The following PDE4D variants were observed in gnomAD, a reference collection of about 807,000 sequenced individuals.
The protein encoded by PDE4D is phosphodiesterase 4D.
Under a neutral mutation model 87.4 loss-of-function variants are expected in PDE4D, and 24 were observed. The ratio of observed to expected loss-of-function variants is 0.27; its 90% CI spans 0.20 to 0.39. PDE4D has a LOEUF of 0.39. PDE4D is among the 10% of genes least tolerant of loss of function. The pLI is 1.00. For missense variants in PDE4D, 714 were observed against 1,041.0 expected (o/e 0.69, Z 4.32); for synonymous variants, 384 against 383.2 (o/e 1.00, Z -0.02).
intron 2 of PDE4D, among the ~76,000 whole-genome samples, chr5:60,068,238 G>GT (rs920570077): frequency 2.8e-4 from 43 of 151,818 alleles, no homozygotes; most frequent in African/African-American, 5.8e-4. Flanking sequence ...GCTATTTTCT[G>GT]TTTTTTTTAA....
chr5:59,641,932 GAAAT>G (rs1319143949), intron 1 of PDE4D, among the ~76,000 whole-genome samples: 5 of 151,970 alleles, frequency 3.3e-5, no homozygotes, highest in East Asian at 1.9e-4. Flanking sequence ...TAATACTAAA[GAAAT>G]AAATAAATGA....
chr5:60,358,558 T>C (rs1382272007), intron 1 of PDE4D, among the ~76,000 whole-genome samples: 1 of 152,248 alleles, frequency 6.6e-6, no homozygotes, highest in Non-Finnish European at 1.5e-5. Context: ...GGCTTCACAC[T>C]CATAAGGCAC....
chr5:59,106,364 C>A (rs1270583213), intron 5 of PDE4D, among the ~76,000 whole-genome samples: 1 of 152,204 alleles, frequency 6.6e-6, no homozygotes, highest in Non-Finnish European at 1.5e-5. Flanking sequence ...TGTTATTGCA[C>A]AAAGGCTTAT....
intron 2 of PDE4D, among the ~76,000 whole-genome samples, chr5:60,176,378 G>A (rs1412944245): frequency 6.6e-6 from 1 of 152,028 alleles, no homozygotes; most frequent in Non-Finnish European, 1.5e-5. Flanking sequence ...TAGGTAGTTT[G>A]TATAGATTTT....
At chr5:59,045,701 TGCAGGTAG>T (rs1482443861) in intron 5 of PDE4D, among the ~76,000 whole-genome samples, 9 of 152,264 alleles carry the variant, frequency 5.9e-5, no homozygotes, top group African/African-American at 1.9e-4. Flanking sequence ...GTCAGGCATC[TGCAGGTAG>T]GACTATATCT....
intron 3 of PDE4D, among the ~76,000 whole-genome samples, chr5:59,902,529 A>G (rs1190424321): frequency 6.6e-6 from 1 of 152,210 alleles, no homozygotes; most frequent in African/African-American, 2.4e-5. Flanking sequence ...TGAGTGGTGA[A>G]GGAAAATATG....
intron 1 of PDE4D, among the ~76,000 whole-genome samples, chr5:60,283,287 C>A (rs1752115855): frequency 6.6e-6 from 1 of 152,014 alleles, no homozygotes; most frequent in Admixed American, 6.6e-5. Flanking sequence ...GATATTTTTT[C>A]ATAAATTTTG....
intron 3 of PDE4D, among the ~76,000 whole-genome samples, chr5:59,192,604 A>G (rs1319191478): frequency 1.3e-5 from 2 of 152,186 alleles, no homozygotes; most frequent in African/African-American, 4.8e-5. Context: ...GATGTATGAT[A>G]TAGGCCTGAT....
intron 1 of PDE4D, among the ~76,000 whole-genome samples, chr5:59,521,659 C>T (rs186987028): frequency 2.0e-5 from 3 of 152,224 alleles, no homozygotes; most frequent in Admixed American, 2.0e-4. Flanking sequence ...CCCCACTTTA[C>T]CCCAAATTGC....
intron 1 of PDE4D, among the ~76,000 whole-genome samples, chr5:60,281,715 A>T (rs1751922521): frequency 6.6e-6 from 1 of 152,166 alleles, no homozygotes; most frequent in Non-Finnish European, 1.5e-5. Flanking sequence ...AAAAGAAGTG[A>T]AAAATAATAG....
intron 1 of PDE4D, among the ~76,000 whole-genome samples, chr5:59,288,465 C>CTTAG (rs1202838463): frequency 2.6e-5 from 4 of 151,510 alleles, no homozygotes; most frequent in Non-Finnish European, 4.4e-5. Flanking sequence ...AAAATAGTCT[C>CTTAG]AAAAGGGCAA....
chr5:60,452,508 A>G (rs1216523587), intron 1 of PDE4D, among the ~76,000 whole-genome samples: 1 of 152,202 alleles, frequency 6.6e-6, no homozygotes, highest in African/African-American at 2.4e-5. Context: ...ACATTTCACC[A>G]ACCCAGTGAA....
chr5:59,953,652 G>A (rs1056633076), intron 3 of PDE4D, among the ~76,000 whole-genome samples: 1 of 151,984 alleles, frequency 6.6e-6, no homozygotes, highest in Non-Finnish European at 1.5e-5. Flanking sequence ...CAGGCCCAGC[G>A]CTTATCAAAT....
At chr5:60,030,498 T>C (rs1226039554) in intron 2 of PDE4D, among the ~76,000 whole-genome samples, 3 of 152,212 alleles carry the variant, frequency 2.0e-5, no homozygotes, top group Admixed American at 1.3e-4. Context: ...AGTTGGTTAA[T>C]ATCCATGATC....
intron 2 of PDE4D, among the ~76,000 whole-genome samples, chr5:60,130,935 AG>A (rs996087091): frequency 6.6e-6 from 1 of 152,204 alleles, no homozygotes; most frequent in Admixed American, 6.5e-5. Flanking sequence ...AACTATAAAC[AG>A]GGTTTTCATT....
intron 1 of PDE4D, among the ~76,000 whole-genome samples, chr5:59,495,269 T>A (rs1387676387): frequency 6.6e-6 from 1 of 152,214 alleles, no homozygotes; most frequent in African/African-American, 2.4e-5. Context: ...TCTTAGTCCA[T>A]TAGCTCACGT....
chr5:59,629,373 G>A lies in PDE4D; in HGVS notation c.455+263795C>T, dbSNP rs148170928. Among the ~76,000 whole-genome samples, 826 of 152,196 alleles carry A rather than the reference G, an allele frequency of 5.4e-3. 3 individuals carry two copies. The highest frequency in any genetic ancestry group is 0.017 in the Middle Eastern group (5 of 294). On this transcript the variant is annotated intron_variant, in intron 1 of 14. Transcript: ENST00000340635. ...GATGCACCCTACTTCAATGTGACTG[G>A]TGTCCTTGTAATAAAAGGGAAATTT...
chr5:59,837,281 T>C (rs1232136639), intron 1 of PDE4D, among the ~76,000 whole-genome samples: 1 of 152,078 alleles, frequency 6.6e-6, no homozygotes, highest in Non-Finnish European at 1.5e-5. Context: ...TTCTACCCCC[T>C]GTCCAGTGTC....
chr5:59,029,361 A>G (rs796204896), intron 6 of PDE4D, among the ~76,000 whole-genome samples: 3 of 148,800 alleles, frequency 2.0e-5, no homozygotes, highest in African/African-American at 7.4e-5. Flanking sequence ...AGCTTGCAGT[A>G]AGCCGAGATC....
Sources: allele counts gnomAD v4.1 joint callset (sites outside exome capture counted in the v4.1 genomes callset), GRCh38; gene constraint gnomAD v4.1.1; transcripts MANE v1.5; gene names NCBI Gene and HGNC (gene_info 2026-07-23, HGNC 2026-07-21).